The following POFUT2 variants were observed in gnomAD, a reference collection of about 807,000 sequenced individuals.
POFUT2 encodes the protein GDP-fucose protein O-fucosyltransferase 2.
A neutral mutation model predicts 55.0 loss-of-function variants in POFUT2; 30 were observed. The observed-to-expected ratio is 0.55, with a 90% CI of 0.41 to 0.74. POFUT2 has a LOEUF of 0.74. Among genes scored for constraint, POFUT2 ranks in the 30% least tolerant of loss-of-function variants. The pLI is 0.00. For missense variants in POFUT2, 524 were observed against 562.6 expected (o/e 0.93, Z 0.69); for synonymous variants, 267 against 231.1 (o/e 1.16, Z -1.41).
chr21:45,269,886 G>T lies in POFUT2; in HGVS notation c.965C>A (p.Thr322Asn). 5 of 1,611,438 alleles carry T rather than the reference G, an allele frequency of 3.1e-6. No homozygotes were observed. Among genetic ancestry groups the T allele is most frequent in the Non-Finnish European group, 4.2e-6 (5 of 1,179,238 alleles). Residue 322 changes from threonine (T) to asparagine (N), a missense_variant, in exon 7 of 9, where the codon ACC (threonine) becomes AAC (asparagine). Thr to Asn is a moderately conservative substitution (Grantham distance 65). This residue lies in a region of POFUT2 where 250 missense variants were observed against 318.2 expected (regional missense o/e 0.79). Coordinates refer to ENST00000349485, the MANE Select transcript of POFUT2 (RefSeq NM_133635.6). ...CACAAACACCTTGTCCAGCCGGTGG[G>T]TCTTCATGAGGCTGCGGATCTTCCT... The part of the protein sequence containing the change: ...AVRKIRSLMK[T>N]HRLDKVFVAT...
At position 45,267,853 on chromosome 21, in the gene POFUT2, C is replaced by G. The variant is rs1305782597; in HGVS notation, c.1013-140G>C. The stretch of plus-strand genomic sequence containing the variant: ...GCTCCAAAGGTGCAGACACACAACT[C>G]AGCTTTACCCTCCCAGGAATTACAG... On this transcript the variant is annotated intron_variant, in intron 7 of 8. Coordinates refer to ENST00000349485, the MANE Select transcript of POFUT2 (RefSeq NM_133635.6). This position sits in a 1 kb window ranked among gnomAD's most constrained non-coding sequence, Gnocchi z 4.4. 1.4e-6 allele frequency: 1 copy of G among 712,858 alleles called. No individual in the cohort carries two copies. The highest frequency in any genetic ancestry group is 2.3e-5 in the Admixed American group (1 of 42,842). 44.2% of individuals were successfully genotyped at this position (712,858 alleles called of 1,614,324 possible). A position where few individuals can be genotyped will look rare whatever the true frequency, so the allele number is the denominator to read the frequency against.
At chr21:45,276,689 G>GC (rs1479246791) in intron 6 of POFUT2, among the ~76,000 whole-genome samples, 1 of 152,172 alleles carries the variant, frequency 6.6e-6, no homozygotes, top group Non-Finnish European at 1.5e-5. Flanking sequence ...ACGTGCCTCT[G>GC]ACCACCTCGA....
intron 4 of POFUT2, among the ~76,000 whole-genome samples, chr21:45,280,279 A>C (rs1370299640): frequency 1.3e-5 from 2 of 152,064 alleles, no homozygotes; most frequent in Non-Finnish European, 2.9e-5. Flanking sequence ...GAACATGACT[A>C]CATTTATCTT....
Position 45,281,166 on chromosome 21 carries a change from G to C in POFUT2, c.638+1183C>G, listed in dbSNP as rs1338887935. 6.6e-6 allele frequency among the ~76,000 whole-genome samples: 1 copy of C among 151,980 alleles called. No individual in the cohort carries two copies. The highest frequency in any genetic ancestry group is 2.4e-5 in the African/African-American group (1 of 41,354). On this transcript the variant is annotated intron_variant, in intron 4 of 8. Transcript: ENST00000349485. The surrounding 1 kb of genome is among the most constrained non-coding windows in gnomAD (Gnocchi z 5.0). ...CTTTTCCACTGCGCCTTTTCCCCCT[G>C]CTCCCCGGCAGAAGCGTTTCTCCTA...
Position 45,267,959 on chromosome 21 carries a change from A to G in POFUT2, c.1013-246T>C, listed in dbSNP as rs886352346. On this transcript the variant is annotated intron_variant, in intron 7 of 8. Coordinates refer to ENST00000349485, the MANE Select transcript of POFUT2 (RefSeq NM_133635.6). This position sits in a 1 kb window ranked among gnomAD's most constrained non-coding sequence, Gnocchi z 4.4. ...GAACCAGGGATCAAGAAGAAAGGAA[A>G]GAAACGTGCTCCCTCTCCCTCTCCT... is the stretch of plus-strand genomic sequence containing the variant. Among the ~76,000 whole-genome samples the G allele has an allele frequency of 6.6e-6, 1 of 152,126 alleles. No individual in the cohort carries two copies. Among genetic ancestry groups the G allele is most frequent in the African/African-American group, 2.4e-5 (1 of 41,444 alleles).
intron 7 of POFUT2, among the ~76,000 whole-genome samples, chr21:45,268,407 C>G (rs1329867290): frequency 6.6e-6 from 1 of 151,826 alleles, no homozygotes; most frequent in Non-Finnish European, 1.5e-5. Context: ...GCCGCCACCC[C>G]ATCTGGGAAG....
chr21:45,277,192 G>T lies in POFUT2; in HGVS notation c.706-50C>A. On this transcript the variant is annotated intron_variant, in intron 5 of 8. Coordinates refer to ENST00000349485, the MANE Select transcript of POFUT2 (RefSeq NM_133635.6). This position sits in a 1 kb window ranked among gnomAD's most constrained non-coding sequence, Gnocchi z 6.9. ...TGAGAACACGCCCGCCCGCCACGCA[G>T]CCCTCCCGGAGCGGGTTCTCCTGTC... 6.3e-7 allele frequency: 1 copy of T among 1,593,648 alleles called. No individual in the cohort carries two copies. Among genetic ancestry groups the T allele is most frequent in the South Asian group, 1.1e-5 (1 of 90,150 alleles).
chr21:45,271,821 A>T (rs2093221679), intron 6 of POFUT2, among the ~76,000 whole-genome samples: 1 of 152,228 alleles, frequency 6.6e-6, no homozygotes, highest in Non-Finnish European at 1.5e-5. Flanking sequence ...TGAAGGAGAG[A>T]TCATCTTTTT....
Position 45,282,356 on chromosome 21 carries a change from A to C in POFUT2, c.631T>G (p.Ser211Ala). 1 of 1,608,910 alleles carries C rather than the reference A, an allele frequency of 6.2e-7. No homozygotes were observed. Among genetic ancestry groups the C allele is most frequent in the South Asian group, 1.1e-5 (1 of 90,992 alleles). The part of the protein sequence containing the change: ...IVAPLLLRNT[S>A]ARSVMLDRAE... ...GGGGCCTGGGGCACTCACCGGGCTGATGTGTTTCTCAGCAGCAGGGGCGCC... is the reference window on the plus strand; with the variant it reads ...GGGGCCTGGGGCACTCACCGGGCTGCTGTGTTTCTCAGCAGCAGGGGCGCC... Residue 211 changes from serine to alanine, a missense_variant, in exon 4 of 9, where the codon TCA becomes GCA. Physicochemically the swap from Ser to Ala is moderately conservative, Grantham distance 99 (BLOSUM62 1). Transcript: ENST00000349485. The surrounding 1 kb of genome is among the most constrained non-coding windows in gnomAD (Gnocchi z 4.6).
rs765838230 is a variant in POFUT2 at position 45,285,965 on chromosome 21, C to A, written c.132-37G>T. 6.4e-7 allele frequency: 1 copy of A among 1,563,296 alleles called. No homozygotes were observed. Among genetic ancestry groups the A allele is most frequent in the Non-Finnish European group, 8.7e-7 (1 of 1,155,572 alleles). ...GAAGGAGGACCACAGGTCTCAAATG[C>A]TGAGGTTTCTGCACGGAAAACCCGA... On this transcript the variant is annotated intron_variant, in intron 1 of 8. Transcript: ENST00000349485. This position sits in a 1 kb window ranked among gnomAD's most constrained non-coding sequence, Gnocchi z 4.9.
Position 45,273,197 on chromosome 21 carries a change from C to T in POFUT2, c.832-3178G>A, listed in dbSNP as rs531506858. Among the ~76,000 whole-genome samples the T allele has an allele frequency of 2.6e-4, 39 of 152,142 alleles. 1 individual carries two copies. The highest frequency in any genetic ancestry group is 6.8e-3 in the Middle Eastern group (2 of 292). On this transcript the variant is annotated intron_variant, in intron 6 of 8. Transcript: ENST00000349485. ...CAAATAAGGTCAATTAGAAACAAAACGGGAGATATTACAGTCGATACCATA... is the reference window on the plus strand; with the variant it reads ...CAAATAAGGTCAATTAGAAACAAAATGGGAGATATTACAGTCGATACCATA...
chr21:45,275,528 A>G (rs898844996), intron 6 of POFUT2, among the ~76,000 whole-genome samples: 2 of 152,262 alleles, frequency 1.3e-5, no homozygotes, highest in Admixed American at 1.3e-4. Flanking sequence ...CTGAATGCCC[A>G]TTGACCAATG....
At chr21:45,279,491 C>T (rs2030318510) in intron 4 of POFUT2, among the ~76,000 whole-genome samples, 1 of 152,240 alleles carries the variant, frequency 6.6e-6, no homozygotes, top group Non-Finnish European at 1.5e-5. Context: ...AATAACATTT[C>T]AAAAGGCTTT....
Position 45,267,406 on chromosome 21 carries a change from T to C in POFUT2, c.1136+184A>G, listed in dbSNP as rs766184916. The C allele has an allele frequency of 1.2e-6, 2 of 1,605,762 alleles. No homozygotes were observed. Among genetic ancestry groups the C allele is most frequent in the Non-Finnish European group, 1.7e-6 (2 of 1,174,432 alleles). On this transcript the variant is annotated intron_variant, in intron 8 of 8. Transcript: ENST00000349485. This position sits in a 1 kb window ranked among gnomAD's most constrained non-coding sequence, Gnocchi z 4.4. ...AGAACTAAAGGGGCAAGATGAACAA[T>C]TAACTTCAGCCCAGGGAAACACTGA...
At position 45,275,030 on chromosome 21, in the gene POFUT2, G is replaced by A. The variant is rs753923399; in HGVS notation, c.831+1987C>T. ...GGAAATACTTGCACACTTTGCATCCGACCAAGGACTAATATCCAGAATCTA... is the reference window on the plus strand; with the variant it reads ...GGAAATACTTGCACACTTTGCATCCAACCAAGGACTAATATCCAGAATCTA... On this transcript the variant is annotated intron_variant, in intron 6 of 8. Transcript: ENST00000349485. Among the ~76,000 whole-genome samples, 57 of 152,224 alleles carry A rather than the reference G, an allele frequency of 3.7e-4. 1 individual carries two copies. Among genetic ancestry groups the A allele is most frequent in the Admixed American group, 2.4e-3 (37 of 15,286 alleles).
chr21:45,268,815 G>A (rs1248463465), intron 7 of POFUT2, among the ~76,000 whole-genome samples: 3 of 146,708 alleles, frequency 2.0e-5, no homozygotes, highest in African/African-American at 2.6e-5. Context: ...GGGAGGTGGG[G>A]GGGTCAGCCC....
At chr21:45,273,398 GC>G (rs2146589699) in intron 6 of POFUT2, among the ~76,000 whole-genome samples, 2 of 152,098 alleles carry the variant, frequency 1.3e-5, no homozygotes, top group East Asian at 3.9e-4. Context: ...TTTAAAAATT[GC>G]CAACAAAAAA....
At chr21:45,287,522 A>C (rs1341327860) in intron 1 of POFUT2, among the ~76,000 whole-genome samples, 2 of 48,152 alleles carry the variant, frequency 4.2e-5, no homozygotes, top group Non-Finnish European at 7.7e-5. Flanking sequence ...CATTCCCCTG[A>C]CCCCTGCCCC....
At position 45,285,835 on chromosome 21, in the gene POFUT2, C is replaced by G. The variant is rs746593035; in HGVS notation, c.225G>C (p.Lys75Asn). Residue 75 changes from lysine to asparagine, a missense_variant, in exon 2 of 9, where the codon AAG (lysine) becomes AAC (asparagine). This residue lies in a region of POFUT2 where 274 missense variants were observed against 244.4 expected (regional missense o/e 1.12). Coordinates refer to ENST00000349485, the MANE Select transcript of POFUT2 (RefSeq NM_133635.6). The surrounding 1 kb of genome is among the most constrained non-coding windows in gnomAD (Gnocchi z 4.9). ...RIASLLKTLL[K>N]TEEWVLVLPP... is the part of the protein sequence containing the mutation. ...GCAGGACAAGCACCCACTCCTCCGT[C>G]TTCAGCAGAGTCTTCAGGAGAGAGG... 1 of 1,613,548 alleles carries G rather than the reference C, an allele frequency of 6.2e-7. No individual in the cohort carries two copies. Among genetic ancestry groups the G allele is most frequent in the Non-Finnish European group, 8.5e-7 (1 of 1,180,002 alleles).
Sources: gnomAD v4.1 joint callset for allele counts (sites outside exome capture counted in the v4.1 genomes callset) on GRCh38, gnomAD v4.1.1 for gene constraint, gnomAD v4.1.1 regional missense constraint, Gnocchi (gnomAD v3.1) non-coding constraint, MANE v1.5 for transcripts, NCBI Gene and HGNC (gene_info 2026-07-23, HGNC 2026-07-21) for gene names.